The following NRXN1 variants were observed in gnomAD, a reference collection of about 807,000 sequenced individuals.
NRXN1 encodes neurexin-1.
A neutral mutation model predicts 150.9 loss-of-function variants in NRXN1; 39 were observed. That is an observed-to-expected ratio of 0.26 (90% CI 0.20 to 0.34). NRXN1 has a LOEUF of 0.34. Ranked by LOEUF, NRXN1 falls within the 10% of genes least tolerant of loss-of-function variation. The pLI is 1.00. For synonymous variants in NRXN1, 924 were observed against 757.0 expected (o/e 1.22, Z -3.62); for missense variants, 1,815 against 1,949.9 (o/e 0.93, Z 1.30).
intron 8 of NRXN1, among the ~76,000 whole-genome samples, chr2:50,567,508 A>T (rs913578736): frequency 4.6e-5 from 7 of 152,160 alleles, no homozygotes; most frequent in Non-Finnish European, 1.0e-4. Context: ...ATTTCAATGA[A>T]ATATTTTTAA....
chr2:50,508,320 T>G (rs2092324115), intron 12 of NRXN1, among the ~76,000 whole-genome samples: 1 of 151,976 alleles, frequency 6.6e-6, no homozygotes, highest in African/African-American at 2.4e-5. Context: ...ATAACAGTTT[T>G]AAGAGATTGA....
intron 17 of NRXN1, among the ~76,000 whole-genome samples, chr2:50,417,683 TA>T (rs2083650910): frequency 6.6e-6 from 1 of 151,860 alleles, no homozygotes; most frequent in Non-Finnish European, 1.5e-5. Flanking sequence ...GAAGGGGACA[TA>T]ACTTGTTTGG....
intron 15 of NRXN1, among the ~76,000 whole-genome samples, chr2:50,491,391 T>C (rs34631986): frequency 6.6e-6 from 1 of 152,128 alleles, no homozygotes; most frequent in Non-Finnish European, 1.5e-5. Flanking sequence ...GTTGAGTATA[T>C]TTGAAAAGAA....
intron 18 of NRXN1, among the ~76,000 whole-genome samples, chr2:50,107,182 T>G (rs1223526473): frequency 1.3e-5 from 2 of 151,852 alleles, no homozygotes; most frequent in African/African-American, 4.8e-5. Context: ...ATTGTTGAAT[T>G]TATCTATTTC....
In NRXN1 at chr2:50,340,634, C is replaced by A. The variant is rs149857340; in HGVS notation, c.3365-103664G>T. Among the ~76,000 whole-genome samples the A allele has an allele frequency of 2.6e-4, 39 of 151,882 alleles. No homozygotes were observed. The East Asian group carries it at 7.2e-3, about 28-fold the overall frequency. On this transcript the variant is annotated intron_variant, in intron 17 of 22. Coordinates refer to ENST00000401669, the MANE Select transcript of NRXN1 (RefSeq NM_001330078.2). Reference sequence around the variant, plus strand: ...ACGTCCCTGGGAAAAGACAACAAGACCATGAGGATTTTAAGAAATCCTTAT... The same window carrying A: ...ACGTCCCTGGGAAAAGACAACAAGAACATGAGGATTTTAAGAAATCCTTAT...
chr2:50,158,927 C>T (rs2059194018), intron 18 of NRXN1, among the ~76,000 whole-genome samples: 2 of 152,078 alleles, frequency 1.3e-5, no homozygotes, highest in African/African-American at 2.4e-5. Flanking sequence ...CGACAAAAAA[C>T]GCGTAAGATA....
rs1558524554 is a variant in NRXN1 at position 50,978,307 on chromosome 2, A to ATAT, written c.772+49194_772+49195insATA. Reference sequence around the variant, plus strand: ...ATATATATATATATATATATATATAAAATATATATATTATAGATAGATTTG... The same window carrying ATAT: ...ATATATATATATATATATATATATAATATAATATATATATTATAGATAGATTTG... On this transcript the variant is annotated intron_variant, in intron 2 of 22. Coordinates refer to ENST00000401669, the MANE Select transcript of NRXN1 (RefSeq NM_001330078.2). Among the ~76,000 whole-genome samples, 6 of 79,278 alleles carry ATAT rather than the reference A, an allele frequency of 7.6e-5. No homozygotes were observed. The East Asian group carries it at 1.2e-3, about 16-fold the overall frequency. The allele number at this position is 79,278 out of a possible 152,430, so 52.0% of individuals were successfully genotyped here.
chr2:50,761,398 G>T (rs1181420391), intron 5 of NRXN1, among the ~76,000 whole-genome samples: 2 of 151,742 alleles, frequency 1.3e-5, no homozygotes, highest in African/African-American at 4.8e-5. Context: ...CTCATGAGAT[G>T]TGATGGTTTT....
chr2:50,607,596 G>A (rs1677345082), intron 8 of NRXN1, among the ~76,000 whole-genome samples: 1 of 151,932 alleles, frequency 6.6e-6, no homozygotes, highest in African/African-American at 2.4e-5. Flanking sequence ...ATAAACCATG[G>A]CCTAAAAATA....
At chr2:50,427,179 T>C (rs1398531495) in intron 17 of NRXN1, among the ~76,000 whole-genome samples, 1 of 152,164 alleles carries the variant, frequency 6.6e-6, no homozygotes, top group African/African-American at 2.4e-5. Context: ...ATACTTTAAT[T>C]ATAATCCATT....
chr2:50,535,593 C>G (rs990860756), intron 10 of NRXN1, among the ~76,000 whole-genome samples: 11 of 152,174 alleles, frequency 7.2e-5, no homozygotes, highest in African/African-American at 1.2e-4. Context: ...ATGATCAAGT[C>G]TCCACAAATT....
At chr2:50,594,784 CT>C (rs1177028501) in intron 8 of NRXN1, among the ~76,000 whole-genome samples, 1 of 152,052 alleles carries the variant, frequency 6.6e-6, no homozygotes, top group African/African-American at 2.4e-5. Flanking sequence ...CTTGTTTTCC[CT>C]TTTTGCCATC....
intron 21 of NRXN1, among the ~76,000 whole-genome samples, chr2:50,031,812 T>C (rs2152568163): frequency 6.6e-6 from 1 of 152,156 alleles, no homozygotes; most frequent in Non-Finnish European, 1.5e-5. Flanking sequence ...GTAAGAAGTA[T>C]TGGAAGATAA....
chr2:50,800,829 C>T (rs962492674), intron 5 of NRXN1, among the ~76,000 whole-genome samples: 37 of 152,146 alleles, frequency 2.4e-4, no homozygotes, highest in African/African-American at 7.2e-4. Context: ...GGATTACAGG[C>T]GTGAGCCAGC....
intron 17 of NRXN1, among the ~76,000 whole-genome samples, chr2:50,436,848 T>C (rs1424038436): frequency 1.3e-5 from 2 of 152,176 alleles, no homozygotes; most frequent in Non-Finnish European, 2.9e-5. Context: ...TTGTGATGTC[T>C]GGAGATACTC....
chr2:50,528,647 A>G lies in NRXN1; in HGVS notation c.2352T>C (p.Cys784=). ...TACTGGAATTACAGTTAATCCTGAT[A>G]CAATCTAGATGGGGAAGAATAGATG... ...GRVKLTVNLD[C]IRINCNSSKG... is the part of the protein sequence containing the mutation. The change falls in exon 12 of 23, where the codon TGT becomes TGC. Residue 784 remains cysteine, a synonymous_variant. Coordinates refer to ENST00000401669, the MANE Select transcript of NRXN1 (RefSeq NM_001330078.2). 6.5e-7 allele frequency: 1 copy of G among 1,546,522 alleles called. No individual in the cohort carries two copies. Among genetic ancestry groups the G allele is most frequent in the South Asian group, 1.2e-5 (1 of 85,848 alleles).
chr2:50,440,858 A>T (rs1444517761), intron 17 of NRXN1, among the ~76,000 whole-genome samples: 1 of 152,042 alleles, frequency 6.6e-6, no homozygotes, highest in Non-Finnish European at 1.5e-5. Context: ...TCAAATGAAA[A>T]TTTTCATTTG....
At chr2:50,070,954 T>G (rs945097712) in intron 19 of NRXN1, among the ~76,000 whole-genome samples, 41 of 152,282 alleles carry the variant, frequency 2.7e-4, no homozygotes, top group African/African-American at 9.9e-4. Flanking sequence ...TTCTTAAACT[T>G]AAGCTACCTG....
chr2:50,462,860 C>T (rs1303113785), intron 17 of NRXN1, among the ~76,000 whole-genome samples: 2 of 151,766 alleles, frequency 1.3e-5, no homozygotes, highest in African/African-American at 2.4e-5. Flanking sequence ...TTTCTAGTTA[C>T]CCTAACCCAC....
Sources: gnomAD v4.1 joint callset for allele counts (sites outside exome capture counted in the v4.1 genomes callset) on GRCh38, gnomAD v4.1.1 for gene constraint, MANE v1.5 for transcripts, NCBI Gene and HGNC (gene_info 2026-07-23, HGNC 2026-07-21) for gene names.